The following CCDC25 variants were observed in gnomAD, a reference collection of about 807,000 sequenced individuals.
The protein encoded by CCDC25 is coiled-coil domain-containing protein 25.
Under a neutral mutation model 35.3 loss-of-function variants are expected in CCDC25, and 16 were observed. That is an observed-to-expected ratio of 0.45 (90% confidence interval 0.31 to 0.69). CCDC25 has a LOEUF of 0.69. CCDC25 is among the 30% of genes least tolerant of loss of function. The probability of loss-of-function intolerance (pLI) is 0.06; values close to 1 mark genes in which losing one functional copy is unlikely to be tolerated. For synonymous variants in CCDC25, 79 were observed against 80.3 expected, an observed-to-expected ratio of 0.98 and a Z score of 0.09; for missense variants, 179 against 250.7, an observed-to-expected ratio of 0.71 and a Z score of 1.93.
At chr8:27,744,551 C>CT (rs1348383165) in intron 7 of CCDC25, among the ~76,000 whole-genome samples, 2 of 152,176 alleles carry the variant, frequency 1.3e-5, no homozygotes, top group Non-Finnish European at 2.9e-5. Flanking sequence ...TCACCATTTC[C>CT]TCTCCTACAT....
At position 27,736,032 on chromosome 8, in the gene CCDC25, T is replaced by A. The variant is rs1232269621; in HGVS notation, c.*184A>T. The A allele has an allele frequency of 1.1e-5, 6 of 570,956 alleles. No homozygotes were observed. Among genetic ancestry groups the A allele is most frequent in the African/African-American group, 9.6e-5 (5 of 52,006 alleles). The allele number at this position is 570,956 out of a possible 1,614,324, so 35.4% of individuals were successfully genotyped here. A position where few individuals can be genotyped will look rare whatever the true frequency, so the allele number is the denominator to read the frequency against. On this transcript the variant is annotated 3_prime_UTR_variant, in exon 9 of 9. Coordinates refer to ENST00000356537, the MANE Select transcript of CCDC25 (RefSeq NM_018246.3). ...GTCAAGTTCAACTATTTTATACATA[T>A]CTGATCCTTTTCTGTCAGCAAAAAA...
chr8:27,746,136 T>A (rs1238957120), intron 7 of CCDC25, among the ~76,000 whole-genome samples: 1 of 152,246 alleles, frequency 6.6e-6, no homozygotes, highest in East Asian at 1.9e-4. Context: ...ATGACATCTA[T>A]AAATTACTTG....
chr8:27,766,977 T>C (rs960253804), intron 1 of CCDC25, among the ~76,000 whole-genome samples: 14 of 152,228 alleles, frequency 9.2e-5, no homozygotes, highest in African/African-American at 3.4e-4. Context: ...ATACTTCATA[T>C]GTATGGAAGC....
intron 4 of CCDC25, among the ~76,000 whole-genome samples, chr8:27,754,118 A>G (rs542454393): frequency 6.6e-6 from 1 of 152,322 alleles, no homozygotes; most frequent in African/African-American, 2.4e-5. Context: ...CATTCCTAAG[A>G]ATTATTCTAA....
chr8:27,738,674 A>G (rs977279465), intron 8 of CCDC25, among the ~76,000 whole-genome samples: 17 of 152,090 alleles, frequency 1.1e-4, no homozygotes, highest in African/African-American at 4.1e-4. Flanking sequence ...TTAAAAATCC[A>G]AAATGATGAG....
At chr8:27,749,289 G>T (rs1803714367) in intron 5 of CCDC25, among the ~76,000 whole-genome samples, 1 of 152,076 alleles carries the variant, frequency 6.6e-6, no homozygotes, top group Non-Finnish European at 1.5e-5. Context: ...TTAATCACTG[G>T]TCTGACACTC....
intron 3 of CCDC25, among the ~76,000 whole-genome samples, chr8:27,761,562 T>C (rs1472919028): frequency 6.6e-6 from 1 of 152,128 alleles, no homozygotes; most frequent in Non-Finnish European, 1.5e-5. Flanking sequence ...TCTTCAGGGA[T>C]AGCATTTGGT....
At chr8:27,765,037 G>A (rs1357705064) in intron 2 of CCDC25, among the ~76,000 whole-genome samples, 167 bp downstream of exon 2, 1 of 152,134 alleles carries the variant, frequency 6.6e-6, no homozygotes, top group African/African-American at 2.4e-5. Flanking sequence ...AGCTTAGGAG[G>A]TGCTGCTGTC....
At chr8:27,768,577 AAAAG>A (rs1268710770) in intron 1 of CCDC25, among the ~76,000 whole-genome samples, 20 of 151,880 alleles carry the variant, frequency 1.3e-4, no homozygotes, top group Middle Eastern at 3.4e-3. Context: ...AAAAAAAAAA[AAAAG>A]AAAAGAAAAT....
At chr8:27,754,452 A>G (rs977377567) in intron 4 of CCDC25, 1 of 152,320 alleles carries the variant, frequency 6.6e-6, no homozygotes, top group African/African-American at 2.4e-5. Flanking sequence ...GGGTGGGGAA[A>G]AAAAGTAGCT....
Position 27,748,583 on chromosome 8 carries a change from T to C in CCDC25, c.260A>G (p.Asn87Ser), listed in dbSNP as rs376553863. ...CCACGGCGTATATACCACATTAACG[T>C]TGTTCATCTTGCAGCCTGCCAAGAG... ...ANSIQGCKMN[N>S]VNVVYTPWSN... Residue 87 changes from asparagine to serine, a missense_variant, in exon 6 of 9, where the codon AAC (asparagine) becomes AGC (serine). Asn to Ser is a conservative substitution (Grantham distance 46). Transcript: ENST00000356537. 3.7e-5 allele frequency: 60 copies of C among 1,613,372 alleles called. No individual in the cohort carries two copies. Among genetic ancestry groups the C allele is most frequent in the East Asian group, 6.7e-5 (3 of 44,894 alleles).
chr8:27,762,067 T>C (rs547524571), intron 3 of CCDC25, among the ~76,000 whole-genome samples: 58 of 152,334 alleles, frequency 3.8e-4, no homozygotes, highest in African/African-American at 1.3e-3. Flanking sequence ...GCATGGATGC[T>C]TGTATCTATT....
chr8:27,747,953 C>T (rs1803659265), intron 7 of CCDC25, 124 bp downstream of exon 7: 3 of 934,986 alleles, frequency 3.2e-6, no homozygotes, highest in Non-Finnish European at 4.9e-6. Flanking sequence ...TAAGGTTGAG[C>T]TTAAGCTGAG....
intron 5 of CCDC25, among the ~76,000 whole-genome samples, chr8:27,752,140 A>G (rs1803832879): frequency 6.6e-6 from 1 of 152,254 alleles, no homozygotes. Flanking sequence ...ATATCAAACA[A>G]CATTAAAAAT....
intron 4 of CCDC25, among the ~76,000 whole-genome samples, chr8:27,754,096 A>T (rs531263250): frequency 4.8e-4 from 73 of 152,314 alleles, no homozygotes; most frequent in African/African-American, 1.7e-3. Flanking sequence ...ACATCTTTTG[A>T]CCCAGGAAAT....
At chr8:27,750,169 G>A (rs575578288) in intron 5 of CCDC25, among the ~76,000 whole-genome samples, 9 of 152,268 alleles carry the variant, frequency 5.9e-5, no homozygotes, top group African/African-American at 1.9e-4. Flanking sequence ...AAAGCTACAG[G>A]AAACTGCTAA....
chr8:27,760,355 T>C (rs1804182235), intron 3 of CCDC25, among the ~76,000 whole-genome samples: 1 of 152,180 alleles, frequency 6.6e-6, no homozygotes, highest in African/African-American at 2.4e-5. Flanking sequence ...TCAAACCTGA[T>C]AGGTTAAAAA....
rs1443909839 is a variant in CCDC25 at position 27,733,658 on chromosome 8, GGTCACTCA to G, written c.*2550_*2557del. ...ATTTTAGTCTGCTTCAAAATCAAAA[GGTCACTCA>G]GTCACTCTAATATGATCATTTTGAA... On this transcript the variant is annotated 3_prime_UTR_variant, in exon 9 of 9. Transcript: ENST00000356537. 4 of 152,066 alleles carry G rather than the reference GGTCACTCA, an allele frequency of 2.6e-5. No homozygotes were observed. The highest frequency in any genetic ancestry group is 9.7e-5 in the African/African-American group (4 of 41,370). The allele number at this position is 152,066 out of a possible 1,614,324, so 9.4% of individuals were successfully genotyped here.
chr8:27,746,650 C>A (rs140546544), intron 7 of CCDC25, among the ~76,000 whole-genome samples: 1 of 152,114 alleles, frequency 6.6e-6, no homozygotes, highest in Non-Finnish European at 1.5e-5. Context: ...GAGTTAATAC[C>A]GTTTCTTTCA....
Sources: allele counts gnomAD v4.1 joint callset (sites outside exome capture counted in the v4.1 genomes callset), GRCh38; gene constraint gnomAD v4.1.1; transcripts MANE v1.5; gene names NCBI Gene and HGNC (gene_info 2026-07-23, HGNC 2026-07-21).